Variants in CSMD1 observed in about 807,000 individuals in gnomAD.
The protein encoded by CSMD1 is CUB and sushi domain-containing protein 1.
In CSMD1, 213 loss-of-function variants were observed where a neutral mutation model predicts 417.5. The observed-to-expected ratio is 0.51, with a 90% confidence interval of 0.46 to 0.57. The LOEUF is 0.57. Among genes scored for constraint, CSMD1 ranks in the 20% least tolerant of loss-of-function variants. CSMD1 has a pLI of 0.00. For synonymous variants in CSMD1, 2,862 were observed against 1,736.8 expected (o/e 1.65, Z -16.11); for missense variants, 6,923 against 4,529.7 (o/e 1.53, Z -15.17).
Position 3,087,175 on chromosome 8 carries a change from C to A in CSMD1, c.7396G>T (p.Val2466Phe). 2 of 1,613,950 alleles carry A rather than the reference C, an allele frequency of 1.2e-6. No homozygotes were observed. Among genetic ancestry groups the A allele is most frequent in the Non-Finnish European group, 1.7e-6 (2 of 1,179,902 alleles). The change falls in exon 49 of 70, where the codon GTC becomes TTC. Residue 2466 changes from valine to phenylalanine, a missense_variant. Transcript: ENST00000635120. ...HYFCKPGYRMVGHSNATCRRN... is the reference protein window; with the variant it reads ...HYFCKPGYRMFGHSNATCRRN... ...CTACAGGTTGCATTGCTGTGGCCGA[C>A]CATTCGGTATCCAGGCTTGCAAAAA... is the stretch of plus-strand genomic sequence containing the variant.
At chr8:4,808,296 T>C (rs1030141589) in intron 1 of CSMD1, among the ~76,000 whole-genome samples, 1 of 152,164 alleles carries the variant, frequency 6.6e-6, no homozygotes, top group Non-Finnish European at 1.5e-5. Context: ...TGCTAATTAT[T>C]TGCTTTAAAG....
At chr8:4,868,280 C>A (rs1399930594) in intron 1 of CSMD1, among the ~76,000 whole-genome samples, 2 of 152,122 alleles carry the variant, frequency 1.3e-5, no homozygotes, top group African/African-American at 2.4e-5. Flanking sequence ...TTCACCCAGG[C>A]TGGAGAGCAG....
At chr8:4,040,659 G>C (rs905760294) in intron 3 of CSMD1, among the ~76,000 whole-genome samples, 3 of 151,644 alleles carry the variant, frequency 2.0e-5, no homozygotes, top group South Asian at 4.2e-4. Flanking sequence ...CCATAACATA[G>C]TTTTAAAAAA....
At chr8:3,171,845 A>T (rs1158010074) in intron 37 of CSMD1, among the ~76,000 whole-genome samples, 1 of 152,226 alleles carries the variant, frequency 6.6e-6, no homozygotes, top group Admixed American at 6.5e-5. Flanking sequence ...AATAGAGGAT[A>T]TAAGTGTGCT....
At chr8:4,012,406 G>A (rs746859905) in intron 4 of CSMD1, among the ~76,000 whole-genome samples, 38 of 152,050 alleles carry the variant, frequency 2.5e-4, no homozygotes, top group African/African-American at 6.3e-4. Flanking sequence ...TTTGCGTCGC[G>A]TGGATTTATT....
At chr8:3,869,759 C>A (rs1049291626) in intron 5 of CSMD1, among the ~76,000 whole-genome samples, 1 of 152,038 alleles carries the variant, frequency 6.6e-6, no homozygotes, top group South Asian at 2.1e-4. Flanking sequence ...GCAGGCAACA[C>A]GGGGCCAGGG....
At chr8:3,484,567 T>C (rs1288309370) in intron 11 of CSMD1, among the ~76,000 whole-genome samples, 3 of 152,230 alleles carry the variant, frequency 2.0e-5, no homozygotes, top group Admixed American at 1.3e-4. Flanking sequence ...CACTGGCCTT[T>C]ATGGGAAAGC....
chr8:3,213,502 A>T (rs1346944282), intron 30 of CSMD1, among the ~76,000 whole-genome samples: 2 of 152,112 alleles, frequency 1.3e-5, no homozygotes, highest in Non-Finnish European at 2.9e-5. Context: ...GTCTGACTTC[A>T]TCACTGTAGG....
chr8:3,706,625 C>G (rs17067077), intron 7 of CSMD1, among the ~76,000 whole-genome samples: 1 of 152,190 alleles, frequency 6.6e-6, no homozygotes, highest in Non-Finnish European at 1.5e-5. Context: ...AGCTCTGCCT[C>G]AATCTTACAG....
At chr8:3,316,796 G>T (rs922434343) in intron 23 of CSMD1, among the ~76,000 whole-genome samples, 1 of 152,108 alleles carries the variant, frequency 6.6e-6, no homozygotes, top group Non-Finnish European at 1.5e-5. Context: ...AGCGTGCAGT[G>T]GGGGGAAGGC....
At chr8:3,255,125 C>A (rs148589138) in intron 26 of CSMD1, among the ~76,000 whole-genome samples, 2 of 152,134 alleles carry the variant, frequency 1.3e-5, no homozygotes, top group Admixed American at 6.5e-5. Context: ...TTGGAGTTTG[C>A]GGAGGTCCAC....
chr8:4,065,700 C>T (rs1473325058), intron 3 of CSMD1, among the ~76,000 whole-genome samples: 1 of 152,198 alleles, frequency 6.6e-6, no homozygotes. Context: ...AGGAACACCA[C>T]ATGTATCTGT....
intron 3 of CSMD1, among the ~76,000 whole-genome samples, chr8:4,346,340 C>A (rs1800776742): frequency 6.6e-6 from 1 of 152,148 alleles, no homozygotes; most frequent in Non-Finnish European, 1.5e-5. Context: ...TGGAAAGCAG[C>A]CATGCCCATC....
At chr8:3,085,175 G>A (rs1814433862) in intron 49 of CSMD1, among the ~76,000 whole-genome samples, 1 of 152,020 alleles carries the variant, frequency 6.6e-6, no homozygotes, top group Non-Finnish European at 1.5e-5. Context: ...TTATGATTAT[G>A]AAGTCCCTTA....
intron 3 of CSMD1, among the ~76,000 whole-genome samples, chr8:4,085,519 A>T (rs542948637): frequency 2.6e-4 from 39 of 152,306 alleles, no homozygotes; most frequent in Admixed American, 1.2e-3. Context: ...TATAAATTTT[A>T]TCCTATCCGT....
intron 2 of CSMD1, among the ~76,000 whole-genome samples, chr8:4,511,811 T>G (rs988955383): frequency 2.0e-5 from 3 of 152,138 alleles, no homozygotes; most frequent in Admixed American, 2.0e-4. Flanking sequence ...GTCTACACAT[T>G]ATGAGTTTTA....
chr8:4,357,859 TATC>T (rs533962314), intron 3 of CSMD1, among the ~76,000 whole-genome samples: 240 of 152,300 alleles, frequency 1.6e-3, no homozygotes, highest in Middle Eastern at 6.8e-3. Flanking sequence ...ACTTAAAATT[TATC>T]ATATTTTAAT....
intron 49 of CSMD1, among the ~76,000 whole-genome samples, chr8:3,075,602 G>T (rs1483963723): frequency 6.6e-6 from 1 of 152,058 alleles, no homozygotes; most frequent in Non-Finnish European, 1.5e-5. Context: ...TTTCTTTACA[G>T]TAAGAACAGC....
chr8:4,388,508 T>C (rs1261653816), intron 3 of CSMD1, among the ~76,000 whole-genome samples: 3 of 144,828 alleles, frequency 2.1e-5, no homozygotes, highest in South Asian at 4.5e-4. Flanking sequence ...GTTGTGAGCA[T>C]ACAAAGGGCA....
Sources: allele counts gnomAD v4.1 joint callset (sites outside exome capture counted in the v4.1 genomes callset), GRCh38; gene constraint gnomAD v4.1.1; transcripts MANE v1.5; gene names NCBI Gene and HGNC (gene_info 2026-07-23, HGNC 2026-07-21).